SLC4A10: variants seen among roughly 807,000 people sequenced by gnomAD.
SLC4A10 encodes sodium-driven chloride bicarbonate exchanger.
SLC4A10 carries 42 observed loss-of-function variants against 137.7 expected under a neutral mutation model. That is an observed-to-expected ratio of 0.30 (90% CI 0.24 to 0.39). SLC4A10 has a LOEUF of 0.39. Ranked by LOEUF, SLC4A10 falls within the 10% of genes least tolerant of loss-of-function variation. SLC4A10 has a pLI of 1.00. For missense variants in SLC4A10, 925 were observed against 1,355.0 expected (o/e 0.68, Z 4.98); for synonymous variants, 474 against 464.1 (o/e 1.02, Z -0.27).
chr2:161,661,926 C>T lies in SLC4A10; in HGVS notation c.48+37360C>T, dbSNP rs185501436. On this transcript the variant is annotated intron_variant, in intron 1 of 26. Transcript: ENST00000446997. ...ATTTTAGTTAAACTTGTAATATTCA[C>T]AAGCTAAGCATGGGACCTCATACCT... Among the ~76,000 whole-genome samples the T allele has an allele frequency of 9.5e-4, 145 of 152,210 alleles. 1 individual carries two copies. The highest frequency in any genetic ancestry group is 7.4e-5 in the Non-Finnish European group (5 of 67,984).
intron 1 of SLC4A10, among the ~76,000 whole-genome samples, chr2:161,706,694 C>G (rs928274075): frequency 5.3e-5 from 8 of 151,474 alleles, no homozygotes; most frequent in African/African-American, 1.9e-4. Flanking sequence ...TGACGCTTAC[C>G]GTGACTGGGC....
chr2:161,857,343 T>C (rs1575312960), intron 5 of SLC4A10, among the ~76,000 whole-genome samples: 1 of 152,198 alleles, frequency 6.6e-6, no homozygotes, highest in East Asian at 1.9e-4. Context: ...CTAATTAGTG[T>C]GTATCTTTCT....
intron 15 of SLC4A10, among the ~76,000 whole-genome samples, chr2:161,940,584 A>G (rs528395442): frequency 9.3e-4 from 141 of 152,346 alleles, no homozygotes; most frequent in Non-Finnish European, 1.7e-3. Flanking sequence ...CAGTGGGAGC[A>G]CTGAAGCTCT....
At chr2:161,656,196 G>A (rs1351387862) in intron 1 of SLC4A10, among the ~76,000 whole-genome samples, 1 of 152,044 alleles carries the variant, frequency 6.6e-6, no homozygotes, top group Non-Finnish European at 1.5e-5. Context: ...CAATAAACGT[G>A]ATATACCACA....
chr2:161,698,200 A>T (rs1574422065), intron 1 of SLC4A10, among the ~76,000 whole-genome samples: 1 of 152,084 alleles, frequency 6.6e-6, no homozygotes, highest in Non-Finnish European at 1.5e-5. Flanking sequence ...GCTTAAGGAG[A>T]TTTTGGGCTG....
chr2:161,739,600 C>T (rs1482174691), intron 1 of SLC4A10, among the ~76,000 whole-genome samples: 2 of 152,174 alleles, frequency 1.3e-5, no homozygotes, highest in African/African-American at 4.8e-5. Context: ...GTGACTACTC[C>T]TATCAAGATC....
intron 2 of SLC4A10, among the ~76,000 whole-genome samples, chr2:161,773,558 A>G (rs995388859): frequency 1.3e-5 from 2 of 151,882 alleles, no homozygotes; most frequent in Non-Finnish European, 1.5e-5. Context: ...TTTGAAAATG[A>G]GTGTTTCTCA....
At chr2:161,681,554 C>T (rs572899049) in intron 1 of SLC4A10, among the ~76,000 whole-genome samples, 6 of 152,174 alleles carry the variant, frequency 3.9e-5, no homozygotes, top group African/African-American at 1.4e-4. Context: ...AACTTAGTAA[C>T]TTTGCCCTTG....
intron 1 of SLC4A10, among the ~76,000 whole-genome samples, chr2:161,656,030 T>G (rs947524276): frequency 2.0e-5 from 3 of 152,058 alleles, no homozygotes; most frequent in African/African-American, 7.2e-5. Flanking sequence ...GTCAGGCTGG[T>G]CTCAAACTCC....
intron 15 of SLC4A10, among the ~76,000 whole-genome samples, chr2:161,941,457 G>A (rs1235708702): frequency 4.6e-5 from 7 of 152,124 alleles, no homozygotes; most frequent in East Asian, 3.8e-4. Flanking sequence ...AGGGGCACAC[G>A]TGTAGTAAGC....
At chr2:161,745,818 TTGCAGACTAAAAGAGGTAC>T (rs2048333804) in intron 1 of SLC4A10, among the ~76,000 whole-genome samples, 1 of 152,176 alleles carries the variant, frequency 6.6e-6, no homozygotes, top group Admixed American at 6.5e-5. Context: ...ACGGTGGCTC[TTGCAGACTAAAAGAGGTAC>T]TGCCTTGGTG....
chr2:161,957,150 C>T lies in SLC4A10; in HGVS notation c.2703C>T (p.Pro901=). 1 of 1,613,718 alleles carries T rather than the reference C, an allele frequency of 6.2e-7. No individual in the cohort carries two copies. The highest frequency in any genetic ancestry group is 8.5e-7 in the Non-Finnish European group (1 of 1,179,836). Residue 901 remains proline (P), a synonymous_variant, in exon 20 of 27, where the codon CCC becomes CCT. Transcript: ENST00000446997. ...AATGCTCAGCTCCAGGAGAACAACCCAAATTTCTCGGCATTCGGGAGCAAA... is the reference window on the plus strand; with the variant it reads ...AATGCTCAGCTCCAGGAGAACAACCTAAATTTCTCGGCATTCGGGAGCAAA... ...ESECSAPGEQ[P]KFLGIREQRV...
intron 4 of SLC4A10, among the ~76,000 whole-genome samples, chr2:161,844,638 G>A (rs914656874): frequency 2.0e-5 from 3 of 152,090 alleles, no homozygotes; most frequent in Admixed American, 6.6e-5. Flanking sequence ...GTTAAACTGA[G>A]TTAGTGAGAA....
chr2:161,882,173 A>T (rs1475664574), intron 9 of SLC4A10, among the ~76,000 whole-genome samples, 184 bp from the exon 10 acceptor site: 2 of 151,740 alleles, frequency 1.3e-5, no homozygotes, highest in South Asian at 2.1e-4. Context: ...TTGCTTGAGG[A>T]TCTTAAGCAT....
chr2:161,649,742 T>C (rs1378064582), intron 1 of SLC4A10, among the ~76,000 whole-genome samples: 1 of 151,940 alleles, frequency 6.6e-6, no homozygotes, highest in Non-Finnish European at 1.5e-5. Context: ...CAAAAATATA[T>C]TCTCTCATAT....
At chr2:161,641,453 TTAA>T (rs763283082) in intron 1 of SLC4A10, among the ~76,000 whole-genome samples, 1 of 152,134 alleles carries the variant, frequency 6.6e-6, no homozygotes, top group Non-Finnish European at 1.5e-5. Flanking sequence ...TAATGCTGAT[TTAA>T]TAATCCTGCT....
chr2:161,787,730 C>T (rs944809880), intron 2 of SLC4A10, among the ~76,000 whole-genome samples: 5 of 152,068 alleles, frequency 3.3e-5, no homozygotes, highest in Non-Finnish European at 7.4e-5. Context: ...TTCAATTGTA[C>T]ATTGAAATTA....
intron 26 of SLC4A10, among the ~76,000 whole-genome samples, chr2:161,981,868 C>T (rs553078294): frequency 1.1e-4 from 17 of 152,316 alleles, no homozygotes; most frequent in African/African-American, 4.1e-4. Context: ...CACACCAGCT[C>T]TCAGAGCTGG....
chr2:161,891,454 A>G (rs188220327), intron 10 of SLC4A10, among the ~76,000 whole-genome samples: 1 of 152,042 alleles, frequency 6.6e-6, no homozygotes, highest in East Asian at 1.9e-4. Context: ...GGTTTGGTCT[A>G]TTCACATGGT....
Sources: gnomAD v4.1 joint callset for allele counts (sites outside exome capture counted in the v4.1 genomes callset) on GRCh38, gnomAD v4.1.1 for gene constraint, MANE v1.5 for transcripts, NCBI Gene and HGNC (gene_info 2026-07-23, HGNC 2026-07-21) for gene names.